The following FAM72D variants were observed in gnomAD, a reference collection of about 807,000 sequenced individuals.
The protein encoded by FAM72D is RUMY family member 4.
For missense variants in FAM72D, 9 were observed against 104.7 expected (o/e 0.09, Z 3.99); for synonymous variants, 4 against 35.1 (o/e 0.11, Z 3.13).
At chr1:145,105,546 G>T (rs1243944124) in intron 3 of FAM72D, among the ~76,000 whole-genome samples, 1 of 140,096 alleles carries the variant, frequency 7.1e-6, no homozygotes, top group Non-Finnish European at 1.6e-5. Context: ...GGTGGTACAT[G>T]CCCAGCTACT....
chr1:145,105,651 GAAA>G (rs200256929), intron 3 of FAM72D, among the ~76,000 whole-genome samples: 1 of 147,154 alleles, frequency 6.8e-6, no homozygotes, highest in African/African-American at 2.5e-5. Flanking sequence ...AACTCCATCT[GAAA>G]AAAAAAAGGA....
At chr1:145,107,464 C>A (rs1244297028) in intron 3 of FAM72D, among the ~76,000 whole-genome samples, 1 of 127,726 alleles carries the variant, frequency 7.8e-6, no homozygotes, top group African/African-American at 3.0e-5. Context: ...GTCTTGAACA[C>A]CTGACCTCAG....
chr1:145,105,411 C>T (rs1459778852), intron 3 of FAM72D, among the ~76,000 whole-genome samples: 26 of 86,142 alleles, frequency 3.0e-4, no homozygotes, highest in Admixed American at 9.0e-4. Flanking sequence ...CAGTGGTTCA[C>T]GCCTATAATC....
chr1:145,105,755 C>A (rs1392140928), intron 3 of FAM72D, among the ~76,000 whole-genome samples: 1 of 149,758 alleles, frequency 6.7e-6, no homozygotes, highest in Non-Finnish European at 1.5e-5. Flanking sequence ...GAGTTCGAGA[C>A]CAGCCTGACC....
chr1:145,100,708 TCTCAAACTCCTGAG>T (rs1485217506), intron 2 of FAM72D, among the ~76,000 whole-genome samples: 2 of 148,760 alleles, frequency 1.3e-5, no homozygotes, highest in African/African-American at 2.5e-5. Flanking sequence ...CCCAGGCTGC[TCTCAAACTCCTGAG>T]CTCAGGCAGT....
chr1:145,102,777 T>C lies in FAM72D; in HGVS notation c.231-230T>C. ...ATAATAATAATAATAATAATAATAATAATAATAATAATAGCAAAGAAATGT... is the reference window on the plus strand; with the variant it reads ...ATAATAATAATAATAATAATAATAACAATAATAATAATAGCAAAGAAATGT... On this transcript the variant is annotated intron_variant, in intron 2 of 3. Transcript: ENST00000400889. Among the ~76,000 whole-genome samples, 2 of 137,088 alleles carry C rather than the reference T, an allele frequency of 1.5e-5. 1 individual carries two copies. The allele number at this position is 137,088 out of a possible 152,430, so 89.9% of individuals were successfully genotyped here.
chr1:145,107,063 G>A (rs1157513031), intron 3 of FAM72D, among the ~76,000 whole-genome samples: 2 of 100,076 alleles, frequency 2.0e-5, no homozygotes, highest in Admixed American at 2.1e-4. Context: ...GAACCTAGGA[G>A]GTGGAGGTTG....
At position 145,100,577 on chromosome 1, in the gene FAM72D, C is replaced by T. The variant is rs9697646; in HGVS notation, c.230+1512C>T. 8.6e-3 allele frequency among the ~76,000 whole-genome samples: 1,224 copies of T among 141,802 alleles called. 6 individuals are homozygous for T. The highest frequency in any genetic ancestry group is 0.013 in the Non-Finnish European group (875 of 65,158). The allele number at this position is 141,802 out of a possible 152,430, so 93.0% of individuals were successfully genotyped here. On this transcript the variant is annotated intron_variant, in intron 2 of 3. Transcript: ENST00000400889. The stretch of plus-strand genomic sequence containing the variant: ...CACGATCTCAGCTTACTGCAACCTC[C>T]GCCTCCCAGGTTCAAGCGAATCTCC...
At chr1:145,097,218 A>G (rs587675084) in intron 1 of FAM72D, among the ~76,000 whole-genome samples, 7 of 140,460 alleles carry the variant, frequency 5.0e-5, no homozygotes, top group South Asian at 4.4e-4. Flanking sequence ...TTCTAGTTCA[A>G]TTGCAGTCAT....
intron 3 of FAM72D, among the ~76,000 whole-genome samples, chr1:145,105,739 G>A (rs1467450055): frequency 6.6e-5 from 10 of 150,438 alleles, no homozygotes; most frequent in Admixed American, 3.3e-4. Flanking sequence ...GATCACCTGA[G>A]GTTGGGAGTT....
chr1:145,105,788 A>G (rs1251196615), intron 3 of FAM72D, among the ~76,000 whole-genome samples: 11 of 147,808 alleles, frequency 7.4e-5, no homozygotes, highest in East Asian at 4.1e-4. Flanking sequence ...CCCCGTCTCT[A>G]CTAAAAATAC....
intron 2 of FAM72D, among the ~76,000 whole-genome samples, chr1:145,101,002 C>A (rs1654683017): frequency 6.6e-6 from 1 of 150,538 alleles, no homozygotes; most frequent in South Asian, 2.1e-4. Context: ...AGTGCAATGG[C>A]ATCATCTTGG....
chr1:145,107,555 A>G (rs1571203119), intron 3 of FAM72D, among the ~76,000 whole-genome samples: 1 of 107,922 alleles, frequency 9.3e-6, no homozygotes, highest in African/African-American at 3.5e-5. Context: ...GGCCTGAAGT[A>G]CCTTTTTTTT....
intron 2 of FAM72D, among the ~76,000 whole-genome samples, chr1:145,101,186 C>A (rs1456904819): frequency 2.8e-5 from 4 of 141,306 alleles, no homozygotes; most frequent in African/African-American, 1.1e-4. Flanking sequence ...AAGTGATCCA[C>A]CCGCCTCAGC....
At chr1:145,106,076 C>G (rs1186217907) in intron 3 of FAM72D, among the ~76,000 whole-genome samples, 1 of 131,608 alleles carries the variant, frequency 7.6e-6, no homozygotes, top group African/African-American at 2.9e-5. Flanking sequence ...TTTGCTTCAC[C>G]TGAACTTGTA....
Position 145,107,133 on chromosome 1 carries a change from C to CA in FAM72D, c.355+4022dup, listed in dbSNP as rs71270756. ...TGGGCAACAGAGTGAGACCCTGTCT[C>CA]AAAAAAAAAAAAAAAAAAAATTATT... On this transcript the variant is annotated intron_variant, in intron 3 of 3. Transcript: ENST00000400889. Among the ~76,000 whole-genome samples the CA allele has an allele frequency of 2.2e-3, 149 of 68,726 alleles. 3 individuals carry two copies. The highest frequency in any genetic ancestry group is 3.1e-3 in the African/African-American group (49 of 15,788). The allele number at this position is 68,726 out of a possible 152,430, so 45.1% of individuals were successfully genotyped here.
rs1211206797 is a variant in FAM72D at position 145,105,933 on chromosome 1, C to A, written c.355+2802C>A. ...CGCCATTGCACTCCAGCCTGGGCAA[C>A]AAAAGTGAAACTCCATCTCAAAAAA... On this transcript the variant is annotated intron_variant, in intron 3 of 3. Coordinates refer to ENST00000400889, the MANE Select transcript of FAM72D (RefSeq NM_207418.3). Among the ~76,000 whole-genome samples the A allele has an allele frequency of 2.4e-4, 27 of 112,174 alleles. No individual in the cohort carries two copies. In the Middle Eastern group the frequency reaches 0.02, roughly 81 times the overall value. The allele number at this position is 112,174 out of a possible 152,430, so 73.6% of individuals were successfully genotyped here.
At chr1:145,107,627 G>A (rs1479434299) in intron 3 of FAM72D, among the ~76,000 whole-genome samples, 2 of 82,084 alleles carry the variant, frequency 2.4e-5, no homozygotes, top group Non-Finnish European at 5.0e-5. Flanking sequence ...GCGTGATCTC[G>A]GCTCACCGCA....
At chr1:145,104,147 T>C (rs1654838394) in intron 3 of FAM72D, among the ~76,000 whole-genome samples, 2 of 148,814 alleles carry the variant, frequency 1.3e-5, no homozygotes, top group African/African-American at 2.6e-5. Flanking sequence ...TGAGACCCTG[T>C]CTCAAAAAAG....
Sources: allele counts gnomAD v4.1 joint callset (sites outside exome capture counted in the v4.1 genomes callset), GRCh38; gene constraint gnomAD v4.1.1; transcripts MANE v1.5; gene names NCBI Gene and HGNC (gene_info 2026-07-23, HGNC 2026-07-21).